TMEM184B: variants seen among roughly 807,000 people sequenced by gnomAD.
The protein encoded by TMEM184B is putative MAPK-activating protein FM08.
TMEM184B carries 17 observed loss-of-function variants against 41.8 expected under a neutral mutation model. That is an observed-to-expected ratio of 0.41 (90% confidence interval 0.28 to 0.61). The LOEUF is 0.61. Ranked by LOEUF, TMEM184B falls within the 20% of genes least tolerant of loss-of-function variation. The probability of loss-of-function intolerance (pLI) is 0.34; values close to 1 mark genes in which losing one functional copy is unlikely to be tolerated. For synonymous variants in TMEM184B, 240 were observed against 229.5 expected, an observed-to-expected ratio of 1.05 and a Z score of -0.41; for missense variants, 393 against 557.8, an observed-to-expected ratio of 0.70 and a Z score of 2.98.
chr22:38,263,330 C>T (rs1483948495), intron 1 of TMEM184B, among the ~76,000 whole-genome samples: 2 of 152,184 alleles, frequency 1.3e-5, no homozygotes, highest in Non-Finnish European at 2.9e-5. Context: ...CACCGACTTG[C>T]GGTGTCTGCC....
At chr22:38,269,309 C>G (rs2092487576) in intron 1 of TMEM184B, among the ~76,000 whole-genome samples, 2 of 152,214 alleles carry the variant, frequency 1.3e-5, no homozygotes. Context: ...TAACCTCCGC[C>G]TCCCGGATTA....
intron 1 of TMEM184B, among the ~76,000 whole-genome samples, chr22:38,271,145 A>G (rs890304912): frequency 1.3e-5 from 2 of 152,220 alleles, no homozygotes; most frequent in African/African-American, 4.8e-5. Context: ...CTCCACCCAC[A>G]TTAGCTATTG....
In TMEM184B at chr22:38,231,212, G is replaced by A. The variant is rs201193536; in HGVS notation, c.449+32C>T. Reference sequence around the variant, plus strand: ...GTACACCAGGCCCAGGAAACGGGGTGGTTTAGGGCTCTGGGAAGACTCCAT... The same window carrying A: ...GTACACCAGGCCCAGGAAACGGGGTAGTTTAGGGCTCTGGGAAGACTCCAT... On this transcript the variant is annotated intron_variant, in intron 4 of 8. Coordinates refer to ENST00000361906, the MANE Select transcript of TMEM184B (RefSeq NM_012264.5). The A allele has an allele frequency of 3.7e-5, 59 of 1,587,724 alleles. No individual in the cohort carries two copies. The African/African-American group carries it at 7.0e-4, about 19-fold the overall frequency.
chr22:38,251,707 G>A (rs16998850), intron 1 of TMEM184B, among the ~76,000 whole-genome samples: 7,802 of 152,214 alleles, frequency 0.051, 659 homozygotes, highest in African/African-American at 0.18. Context: ...CAAGCAGGAC[G>A]TTCACCTGGC....
At chr22:38,228,672 G>A (rs1467124479) in intron 5 of TMEM184B, among the ~76,000 whole-genome samples, 1 of 152,150 alleles carries the variant, frequency 6.6e-6, no homozygotes, top group Non-Finnish European at 1.5e-5. Flanking sequence ...AGGAGTCAAA[G>A]GCCTGTCTCT....
chr22:38,238,178 T>C (rs1176115424), intron 3 of TMEM184B, among the ~76,000 whole-genome samples: 1 of 151,976 alleles, frequency 6.6e-6, no homozygotes, highest in African/African-American at 2.4e-5. Flanking sequence ...CTGACCTCTC[T>C]TCTACTGGCT....
intron 5 of TMEM184B, among the ~76,000 whole-genome samples, chr22:38,227,329 A>T (rs1349153187): frequency 6.6e-6 from 1 of 152,104 alleles, no homozygotes; most frequent in African/African-American, 2.4e-5. Context: ...GGCAGCTTGC[A>T]CCAAGGCCCC....
chr22:38,236,254 T>C (rs570059765), intron 3 of TMEM184B, among the ~76,000 whole-genome samples: 2 of 152,226 alleles, frequency 1.3e-5, no homozygotes, highest in African/African-American at 4.8e-5. Flanking sequence ...TGGAACTTTC[T>C]GCTCCATTCT....
chr22:38,257,330 G>C (rs530073141), intron 1 of TMEM184B, among the ~76,000 whole-genome samples: 1 of 152,250 alleles, frequency 6.6e-6, no homozygotes, highest in African/African-American at 2.4e-5. Context: ...ATTGGCATCA[G>C]GGAGGATGGA....
intron 1 of TMEM184B, among the ~76,000 whole-genome samples, chr22:38,251,658 A>G (rs995508860): frequency 1.3e-5 from 2 of 152,188 alleles, no homozygotes; most frequent in African/African-American, 4.8e-5. Context: ...CACTCTGTAC[A>G]GGCACTGACC....
chr22:38,269,703 CA>C (rs1480063050), intron 1 of TMEM184B, among the ~76,000 whole-genome samples: 1 of 151,908 alleles, frequency 6.6e-6, no homozygotes, highest in Non-Finnish European at 1.5e-5. Flanking sequence ...TCTCAAAAAA[CA>C]AAAAAAGTTC....
At chr22:38,248,147 G>T in intron 1 of TMEM184B, 128 bp from the exon 2 acceptor site, 1 of 1,281,612 alleles carries the variant, frequency 7.8e-7, no homozygotes, top group Non-Finnish European at 1.0e-6. Context: ...CCCTGTCCCA[G>T]CCAGCCTCTC....
chr22:38,259,390 T>A (rs2092334525), intron 1 of TMEM184B, among the ~76,000 whole-genome samples: 1 of 152,014 alleles, frequency 6.6e-6, no homozygotes, highest in African/African-American at 2.4e-5. Context: ...GTGACTGAAT[T>A]AAGGGTCCTG....
intron 3 of TMEM184B, 87 bp downstream of exon 3, chr22:38,245,848 T>C (rs955702702): frequency 2.9e-6 from 4 of 1,383,562 alleles, no homozygotes; most frequent in South Asian, 1.3e-5. Flanking sequence ...ACAGTCCTCA[T>C]GAAGCCCCTC....
At chr22:38,249,008 T>A (rs2092103438) in intron 1 of TMEM184B, among the ~76,000 whole-genome samples, 1 of 152,186 alleles carries the variant, frequency 6.6e-6, no homozygotes, top group Non-Finnish European at 1.5e-5. Context: ...CCTGAAAGCC[T>A]GCCTGCACAC....
In TMEM184B at chr22:38,221,499, AGTCTTCTCGTT is replaced by A; in HGVS notation, c.1183_1193del (p.Asn395SerfsTer6). On this transcript the variant is annotated frameshift_variant, in exon 9 of 9. Coordinates refer to ENST00000361906, the MANE Select transcript of TMEM184B (RefSeq NM_012264.5). LOFTEE classifies it high-confidence loss of function. ...ATTCATCATCAGAGCTGAGCAGGAG[AGTCTTCTCGTT>A]GTCGCGGGCGCCACTGAGGCTGTGG... The A allele has an allele frequency of 6.2e-7, 1 of 1,612,806 alleles. No homozygotes were observed. Among genetic ancestry groups the A allele is most frequent in the South Asian group, 1.1e-5 (1 of 91,002 alleles).
Position 38,246,020 on chromosome 22 carries a change from G to A in TMEM184B, c.273C>T (p.Tyr91=), listed in dbSNP as rs373467259. Residue 91 remains tyrosine, a synonymous_variant, in exon 3 of 9, where the codon TAC becomes TAT. Coordinates refer to ENST00000361906, the MANE Select transcript of TMEM184B (RefSeq NM_012264.5). ...GGAGGCTGAGCCAGGAGTCAAAGGC[G>A]TAGATGGGCACGATGAAGAGGATGC... is the stretch of plus-strand genomic sequence containing the variant. The part of the protein sequence containing the change: ...IVRILFIVPI[Y]AFDSWLSLLF... 16 of 1,613,624 alleles carry A rather than the reference G, an allele frequency of 9.9e-6. No individual in the cohort carries two copies. The highest frequency in any genetic ancestry group is 6.7e-5 in the Admixed American group (4 of 60,010).
intron 3 of TMEM184B, 52 bp downstream of exon 3, chr22:38,245,883 T>TCCCAGCCC (rs2092015680): frequency 7.8e-7 from 1 of 1,288,710 alleles, no homozygotes; most frequent in Non-Finnish European, 1.1e-6. Context: ...GGACAGGGGC[T>TCCCAGCCC]CCCAGCCCCC....
At chr22:38,227,905 G>A (rs1250753359) in intron 5 of TMEM184B, among the ~76,000 whole-genome samples, 1 of 152,194 alleles carries the variant, frequency 6.6e-6, no homozygotes, top group African/African-American at 2.4e-5. Flanking sequence ...AACATCACTA[G>A]TATCACCATT....
Sources: gnomAD v4.1 joint callset for allele counts (sites outside exome capture counted in the v4.1 genomes callset) on GRCh38, gnomAD v4.1.1 for gene constraint, MANE v1.5 for transcripts, NCBI Gene and HGNC (gene_info 2026-07-23, HGNC 2026-07-21) for gene names.